STK10: variants seen among roughly 807,000 people sequenced by gnomAD.
STK10 encodes the protein serine/threonine-protein kinase 10.
STK10 carries 78 observed loss-of-function variants against 113.8 expected under a neutral mutation model. The observed-to-expected ratio is 0.69, with a 90% confidence interval of 0.57 to 0.83. The LOEUF is 0.83. Ranked by LOEUF, STK10 falls within the 40% of genes least tolerant of loss-of-function variation. The pLI is 0.00. For missense variants in STK10, 1,109 were observed against 1,280.1 expected (o/e 0.87, Z 2.04); for synonymous variants, 465 against 494.7 (o/e 0.94, Z 0.80).
chr5:172,146,991 C>T (rs1581177814), intron 2 of STK10, among the ~76,000 whole-genome samples: 2 of 152,214 alleles, frequency 1.3e-5, no homozygotes, highest in African/African-American at 4.8e-5. Flanking sequence ...AGTTGCACGT[C>T]GAGGCCTCTG....
Position 172,156,457 on chromosome 5 carries a change from G to T in STK10, c.321+167C>A, listed in dbSNP as rs149862687. Among the ~76,000 whole-genome samples, 18 of 152,340 alleles carry T rather than the reference G, an allele frequency of 1.2e-4. No homozygotes were observed. In the East Asian group the frequency reaches 3.1e-3, roughly 26 times the overall value. On this transcript the variant is annotated intron_variant, in intron 2 of 18. Transcript: ENST00000176763. Reference sequence around the variant, plus strand: ...CTACTCCCAAGGGGGAGGCACCACAGGAAAGGGTGGGTAAGTGGCCAGGAG... The same window carrying T: ...CTACTCCCAAGGGGGAGGCACCACATGAAAGGGTGGGTAAGTGGCCAGGAG...
At chr5:172,165,793 CT>C (rs3028106) in intron 1 of STK10, among the ~76,000 whole-genome samples, 4,392 of 148,170 alleles carry the variant, frequency 0.03, 213 homozygotes, top group African/African-American at 0.1. Context: ...TGGTTGTTTG[CT>C]TTTTTTTTTT....
intron 12 of STK10, 42 bp from the exon 13 acceptor site, chr5:172,064,854 TC>T: frequency 6.3e-7 from 1 of 1,599,634 alleles, no homozygotes. Context: ...CAGGGTCCTC[TC>T]CATGCTTCCT....
intron 4 of STK10, among the ~76,000 whole-genome samples, chr5:172,111,723 G>A (rs922158128): frequency 2.9e-4 from 44 of 152,330 alleles, no homozygotes; most frequent in African/African-American, 9.9e-4. Context: ...CCCTTTCTCC[G>A]CTGTAATTTC....
At chr5:172,116,663 C>T (rs2113777181) in intron 4 of STK10, among the ~76,000 whole-genome samples, 1 of 149,202 alleles carries the variant, frequency 6.7e-6, no homozygotes, top group East Asian at 2.1e-4. Flanking sequence ...TGGTCAGGAA[C>T]TCGAGACCAG....
At chr5:172,089,155 CT>C (rs1437788912) in intron 10 of STK10, among the ~76,000 whole-genome samples, 1 of 152,216 alleles carries the variant, frequency 6.6e-6, no homozygotes, top group African/African-American at 2.4e-5. Context: ...TTCCCCTGGG[CT>C]CCCCCAGCTC....
chr5:172,127,478 G>A, intron 2 of STK10, 57 bp from the exon 3 acceptor site: 1 of 1,592,358 alleles, frequency 6.3e-7, no homozygotes. Context: ...CGTCGAGACG[G>A]GAACCCCACA....
intron 2 of STK10, among the ~76,000 whole-genome samples, chr5:172,145,490 C>T (rs1056113595): frequency 1.3e-5 from 2 of 152,238 alleles, no homozygotes; most frequent in East Asian, 1.9e-4. Context: ...GCAGAGCACG[C>T]GCTGGCCCGC....
Position 172,082,990 on chromosome 5 carries a change from T to C in STK10, c.1780A>G (p.Met594Val). The C allele has an allele frequency of 6.2e-7, 1 of 1,613,994 alleles. No homozygotes were observed. Among genetic ancestry groups the C allele is most frequent in the Non-Finnish European group, 8.5e-7 (1 of 1,180,034 alleles). Residue 594 changes from methionine (M) to valine (V), a missense_variant, in exon 11 of 19, where the codon ATG becomes GTG. Physicochemically the swap from Met to Val is conservative, Grantham distance 21. Transcript: ENST00000176763. This position sits in a 1 kb window ranked among gnomAD's most constrained non-coding sequence, Gnocchi z 4.3. ...SNKHELQLEQ[M>V]HKRFEQEINA... is the part of the protein sequence containing the mutation. ...ATTTCCTGTTCAAAACGTTTATGCA[T>C]TTGCTCCAGCTGCAGCTCATGCTTG...
intron 15 of STK10, among the ~76,000 whole-genome samples, chr5:172,056,766 C>G (rs1767771838): frequency 6.6e-6 from 1 of 150,676 alleles, no homozygotes; most frequent in South Asian, 2.1e-4. Flanking sequence ...CCCAGCTACT[C>G]GGGAGGCTGA....
intron 2 of STK10, among the ~76,000 whole-genome samples, chr5:172,139,860 C>A (rs1403489110): frequency 3.6e-5 from 5 of 140,176 alleles, no homozygotes; most frequent in African/African-American, 1.4e-4. Flanking sequence ...TAACATCGAT[C>A]TTGGCAATGA....
chr5:172,082,197 C>T lies in STK10; in HGVS notation c.1989+129G>A, dbSNP rs1157555305. The T allele has an allele frequency of 7.6e-6, 8 of 1,051,980 alleles. No homozygotes were observed. The South Asian group carries it at 1.3e-4, about 17-fold the overall frequency. 65.2% of individuals were successfully genotyped at this position (1,051,980 alleles called of 1,614,324 possible). On this transcript the variant is annotated intron_variant, in intron 12 of 18. Coordinates refer to ENST00000176763, the MANE Select transcript of STK10 (RefSeq NM_005990.4). This position sits in a 1 kb window ranked among gnomAD's most constrained non-coding sequence, Gnocchi z 4.3. ...CGCAGCTTGGGCACACAGATCCAGG[C>T]TCACCTGCTCCCGAGCTCTTCAGCC...
chr5:172,185,304 CTGTCGCCAGGCTGGA>C (rs1159746029), intron 1 of STK10, among the ~76,000 whole-genome samples: 1 of 152,038 alleles, frequency 6.6e-6, no homozygotes, highest in Non-Finnish European at 1.5e-5. Context: ...GAGTCTCGCT[CTGTCGCCAGGCTGGA>C]GTGCAGTGGC....
chr5:172,152,876 T>C (rs1370788497), intron 2 of STK10, among the ~76,000 whole-genome samples: 3 of 152,258 alleles, frequency 2.0e-5, no homozygotes, highest in Non-Finnish European at 4.4e-5. Context: ...ACTCTTTCAA[T>C]GGATCACATG....
In STK10 at chr5:172,090,340, G is replaced by GT. The variant is rs761696581; in HGVS notation, c.1576dup (p.Thr526AsnfsTer27). ...CACAAATTTGCGTGTCCGCTTGAGG[G>GT]TTTTTTTGTACAGTTTCGGGTCCTG... On this transcript the variant is annotated frameshift_variant, in exon 10 of 19. Coordinates refer to ENST00000176763, the MANE Select transcript of STK10 (RefSeq NM_005990.4). LOFTEE classifies it high-confidence loss of function. 2.5e-6 allele frequency: 4 copies of GT among 1,613,806 alleles called. No individual in the cohort carries two copies. Among genetic ancestry groups the GT allele is most frequent in the Non-Finnish European group, 3.4e-6 (4 of 1,179,878 alleles).
chr5:172,049,502 C>A (rs62384593), intron 18 of STK10, among the ~76,000 whole-genome samples: 1,615 of 151,988 alleles, frequency 0.011, 10 homozygotes, highest in Middle Eastern at 0.024. Flanking sequence ...TATTTGGGTA[C>A]TGAAATCTGC....
At chr5:172,048,288 T>C (rs999290499) in intron 18 of STK10, among the ~76,000 whole-genome samples, 1 of 152,300 alleles carries the variant, frequency 6.6e-6, no homozygotes, top group Non-Finnish European at 1.5e-5. Flanking sequence ...ATTCTGCCTC[T>C]AGACAGCAAC....
chr5:172,066,794 A>C (rs1768083235), intron 12 of STK10, among the ~76,000 whole-genome samples: 1 of 152,224 alleles, frequency 6.6e-6, no homozygotes, highest in South Asian at 2.1e-4. Flanking sequence ...CTCAAAAACA[A>C]AGAGAAGAGC....
At chr5:172,131,083 G>A (rs1769746049) in intron 2 of STK10, among the ~76,000 whole-genome samples, 1 of 146,212 alleles carries the variant, frequency 6.8e-6, no homozygotes, top group African/African-American at 2.6e-5. Context: ...GCCCAGGCTG[G>A]AGTGCAGTGG....
Sources: gnomAD v4.1 joint callset for allele counts (sites outside exome capture counted in the v4.1 genomes callset) on GRCh38, gnomAD v4.1.1 for gene constraint, Gnocchi (gnomAD v3.1) non-coding constraint, MANE v1.5 for transcripts, NCBI Gene and HGNC (gene_info 2026-07-23, HGNC 2026-07-21) for gene names.